Variants in SLC2A13 observed in about 807,000 individuals in gnomAD.
The protein encoded by SLC2A13 is proton myo-inositol cotransporter.
Under a neutral mutation model 64.4 loss-of-function variants are expected in SLC2A13, and 32 were observed. That is an observed-to-expected ratio of 0.50 (90% CI 0.37 to 0.67). The LOEUF (loss-of-function observed/expected upper bound fraction) is 0.67. SLC2A13 is among the 30% of genes least tolerant of loss of function. The pLI is 0.00. For missense variants in SLC2A13, 743 were observed against 829.2 expected (o/e 0.90, Z 1.28); for synonymous variants, 338 against 327.1 (o/e 1.03, Z -0.36).
intron 3 of SLC2A13, among the ~76,000 whole-genome samples, chr12:39,951,587 A>C (rs1946231558): frequency 6.6e-6 from 1 of 152,198 alleles, no homozygotes. Flanking sequence ...TAAAAGCGAC[A>C]AGAGATAATT....
chr12:40,102,523 C>T (rs993605051), intron 1 of SLC2A13, among the ~76,000 whole-genome samples: 1 of 152,030 alleles, frequency 6.6e-6, no homozygotes, highest in African/African-American at 2.4e-5. Context: ...GAGCAGAAAT[C>T]CTTGACCCAC....
chr12:39,953,694 AT>A (rs1441696595), intron 3 of SLC2A13, among the ~76,000 whole-genome samples: 2 of 152,234 alleles, frequency 1.3e-5, no homozygotes, highest in Non-Finnish European at 2.9e-5. Context: ...TTCTCACATT[AT>A]AAAAACTAAA....
At chr12:40,027,698 T>G (rs1306798461) in intron 3 of SLC2A13, among the ~76,000 whole-genome samples, 2 of 152,194 alleles carry the variant, frequency 1.3e-5, no homozygotes, top group Admixed American at 6.5e-5. Flanking sequence ...TAAGACCAAT[T>G]TGGGAAATGT....
At position 39,786,372 on chromosome 12, in the gene SLC2A13, A is replaced by AACATGATTCTGAGGCCTCCCCAG. The variant is rs1555235726; in HGVS notation, c.1446-21515_1446-21514insCTGGGGAGGCCTCAGAATCATGT. On this transcript the variant is annotated intron_variant, in intron 7 of 9. Transcript: ENST00000280871. ...ATGTAAGAAGTGTCTTTCATCTCCC[A>AACATGATTCTGAGGCCTCCCCAG]CCATGATTCTGAGGCCTCCCCAGCC... Among the ~76,000 whole-genome samples, 22 of 149,998 alleles carry AACATGATTCTGAGGCCTCCCCAG rather than the reference A, an allele frequency of 1.5e-4. 1 individual carries two copies. Among genetic ancestry groups the AACATGATTCTGAGGCCTCCCCAG allele is most frequent in the African/African-American group, 5.2e-4 (21 of 40,596 alleles).
chr12:39,764,314 G>A (rs1196607758), intron 9 of SLC2A13, 146 bp downstream of exon 9: 3 of 660,568 alleles, frequency 4.5e-6, no homozygotes, highest in Non-Finnish European at 7.2e-6. Flanking sequence ...CATTTCCGAT[G>A]CCTTTGGAGG....
At chr12:39,868,955 T>C (rs745751992) in intron 5 of SLC2A13, among the ~76,000 whole-genome samples, 7 of 152,208 alleles carry the variant, frequency 4.6e-5, no homozygotes, top group Non-Finnish European at 1.0e-4. Flanking sequence ...ATCATCTTGA[T>C]ATAACATTTT....
At chr12:40,044,538 A>G (rs1430655774) in intron 2 of SLC2A13, among the ~76,000 whole-genome samples, 1 of 152,138 alleles carries the variant, frequency 6.6e-6, no homozygotes, top group Non-Finnish European at 1.5e-5. Context: ...TCAAAATTTT[A>G]TTTCCTCTTT....
chr12:39,896,244 GTATA>G lies in SLC2A13; in HGVS notation c.1035-24287_1035-24284del, dbSNP rs1311493978. Among the ~76,000 whole-genome samples the G allele has an allele frequency of 4.9e-4, 47 of 95,328 alleles. 1 individual carries two copies. Among genetic ancestry groups the G allele is most frequent in the Non-Finnish European group, 9.7e-4 (41 of 42,410 alleles). The allele number at this position is 95,328 out of a possible 152,430, so 62.5% of individuals were successfully genotyped here. A position where few individuals can be genotyped will look rare whatever the true frequency, so the allele number is the denominator to read the frequency against. ...TACATATATGCATATGTGTATATAT[GTATA>G]CATGTATGTATATGTGTGTATATAT... On this transcript the variant is annotated intron_variant, in intron 4 of 9. Coordinates refer to ENST00000280871, the MANE Select transcript of SLC2A13 (RefSeq NM_052885.4).
At chr12:39,886,167 A>G (rs560198632) in intron 4 of SLC2A13, among the ~76,000 whole-genome samples, 2 of 152,154 alleles carry the variant, frequency 1.3e-5, no homozygotes, top group Non-Finnish European at 2.9e-5. Flanking sequence ...AAGATGATCA[A>G]TTTTTTAACA....
At chr12:40,003,978 A>G (rs1032642705) in intron 3 of SLC2A13, among the ~76,000 whole-genome samples, 3 of 151,882 alleles carry the variant, frequency 2.0e-5, no homozygotes, top group African/African-American at 7.3e-5. Flanking sequence ...GGGCAATGAG[A>G]GCAAAACTCC....
intron 4 of SLC2A13, among the ~76,000 whole-genome samples, chr12:39,935,236 A>C (rs556722960): frequency 6.6e-6 from 1 of 152,204 alleles, no homozygotes; most frequent in Admixed American, 6.5e-5. Flanking sequence ...TCAAGAAGGG[A>C]AAAATAAATA....
chr12:39,875,767 TG>T (rs35604567), intron 4 of SLC2A13, among the ~76,000 whole-genome samples: 1 of 152,228 alleles, frequency 6.6e-6, no homozygotes, highest in Non-Finnish European at 1.5e-5. Flanking sequence ...CATGGTCTTA[TG>T]GGGAGATACA....
At chr12:39,998,858 C>T (rs925565342) in intron 3 of SLC2A13, among the ~76,000 whole-genome samples, 4 of 152,072 alleles carry the variant, frequency 2.6e-5, no homozygotes, top group African/African-American at 9.7e-5. Context: ...TGTGTCCCCA[C>T]CCAAATCTCA....
intron 3 of SLC2A13, among the ~76,000 whole-genome samples, chr12:40,011,668 AGTAGTCCTCGGC>A (rs1947534645): frequency 6.6e-6 from 1 of 152,094 alleles, no homozygotes. Flanking sequence ...TCCTCCCTCT[AGTAGTCCTCGGC>A]GTCTACTGTT....
chr12:39,977,829 G>A (rs1019064942), intron 3 of SLC2A13, among the ~76,000 whole-genome samples: 12 of 152,234 alleles, frequency 7.9e-5, no homozygotes, highest in Admixed American at 7.8e-4. Flanking sequence ...AAATTAATGA[G>A]TTGTGCCAAG....
chr12:39,785,151 C>T (rs1941140260), intron 7 of SLC2A13, among the ~76,000 whole-genome samples: 1 of 152,124 alleles, frequency 6.6e-6, no homozygotes. Flanking sequence ...CTCCAGGCCA[C>T]TTCAGAGACC....
intron 4 of SLC2A13, among the ~76,000 whole-genome samples, chr12:39,919,483 T>C (rs1945577949): frequency 6.6e-6 from 1 of 152,130 alleles, no homozygotes; most frequent in Non-Finnish European, 1.5e-5. Context: ...ATCCCACTTT[T>C]GTTTTTCAGA....
rs200572737 is a variant in SLC2A13, at chr12:39,864,781, C to T, written c.1300G>A (p.Ala434Thr). ...TCTCACCTGTATCTTGTGCAAGTGG[C>T]GTTCTGACCTGACGGAGCTATTGGC... The part of the protein sequence containing the change: ...FKPIAPSGQN[A>T]TCTRYSYCNE... Residue 434 changes from alanine (A) to threonine (T), a missense_variant, in exon 6 of 10, where the codon GCC becomes ACC. Transcript: ENST00000280871. The T allele has an allele frequency of 1.9e-5, 31 of 1,613,736 alleles. No individual in the cohort carries two copies. The East Asian group carries it at 4.5e-4, about 23-fold the overall frequency.
At chr12:39,913,530 A>C (rs908616881) in intron 4 of SLC2A13, among the ~76,000 whole-genome samples, 1 of 151,862 alleles carries the variant, frequency 6.6e-6, no homozygotes, top group South Asian at 2.1e-4. Context: ...AAAATCTAGC[A>C]TTAAATTGTC....
Sources: gnomAD v4.1 joint callset for allele counts (sites outside exome capture counted in the v4.1 genomes callset) on GRCh38, gnomAD v4.1.1 for gene constraint, MANE v1.5 for transcripts, NCBI Gene and HGNC (gene_info 2026-07-23, HGNC 2026-07-21) for gene names.